The following UNC50 variants were observed in gnomAD, a reference collection of about 807,000 sequenced individuals.
UNC50 encodes unc-50 inner nuclear membrane RNA binding protein.
Under a neutral mutation model 31.5 loss-of-function variants are expected in UNC50, and 24 were observed. The observed-to-expected ratio is 0.76, with a 90% CI of 0.55 to 1.07. UNC50 has a LOEUF of 1.07. Among genes scored for constraint, UNC50 ranks in the 50% least tolerant of loss-of-function variants. UNC50 has a pLI of 0.00. For missense variants in UNC50, 245 were observed against 304.2 expected, an observed-to-expected ratio of 0.81 and a Z score of 1.45; for synonymous variants, 118 against 114.7, an observed-to-expected ratio of 1.03 and a Z score of -0.18.
chr2:98,611,977 GCCCCCCC>G (rs1700839886), intron 3 of UNC50, among the ~76,000 whole-genome samples: 3 of 69,764 alleles, frequency 4.3e-5, no homozygotes, highest in South Asian at 5.8e-4. Flanking sequence ...CGCCCCCCCC[GCCCCCCC>G]ACCGCCACAC....
Position 98,610,020 on chromosome 2 carries a change from G to C in UNC50, c.261G>C (p.Leu87=), listed in dbSNP as rs769125734. ...WARDDPAFLV[L]LSIWLCVSTI... ...GAGATGACCCTGCTTTCTTGGTCCT[G>C]TTAAGTATCTGGCTCTGTGGTAAGT... The change falls in exon 2 of 6, where the codon CTG becomes CTC. Residue 87 remains leucine, a synonymous_variant. Coordinates refer to ENST00000357765, the MANE Select transcript of UNC50 (RefSeq NM_014044.7). 2.5e-6 allele frequency: 4 copies of C among 1,613,582 alleles called. No homozygotes were observed. In the African/African-American group the frequency reaches 4.0e-5, roughly 16 times the overall value.
At chr2:98,616,599 T>A in intron 5 of UNC50, 66 bp downstream of exon 5, 5 of 1,267,952 alleles carry the variant, frequency 3.9e-6, no homozygotes, top group Non-Finnish European at 5.7e-6. Context: ...GTAACAGTAG[T>A]ACAAACAGCT....
chr2:98,611,623 C>G (rs1336556894), intron 3 of UNC50, among the ~76,000 whole-genome samples: 1 of 152,166 alleles, frequency 6.6e-6, no homozygotes, highest in Non-Finnish European at 1.5e-5. Context: ...GACACAGTTA[C>G]CAGCTTGACT....
In UNC50 at chr2:98,610,046, G is replaced by A; in HGVS notation, c.280+7G>A. ...TTAAGTATCTGGCTCTGTGGTAAGTGTGTTTATCTGAGATAGAATTGAACG... is the reference window on the plus strand; with the variant it reads ...TTAAGTATCTGGCTCTGTGGTAAGTATGTTTATCTGAGATAGAATTGAACG... On this transcript the variant is annotated splice_region_variant and intron_variant, in intron 2 of 5. Coordinates refer to ENST00000357765, the MANE Select transcript of UNC50 (RefSeq NM_014044.7). 3.1e-6 allele frequency: 5 copies of A among 1,604,588 alleles called. No individual in the cohort carries two copies. The highest frequency in any genetic ancestry group is 4.3e-6 in the Non-Finnish European group (5 of 1,172,996).
intron 5 of UNC50, 52 bp downstream of exon 5, chr2:98,616,585 A>G (rs191054522): frequency 7.0e-7 from 1 of 1,430,742 alleles, no homozygotes; most frequent in Non-Finnish European, 9.8e-7. Flanking sequence ...AGAGGGGGAA[A>G]GTTGTAACAG....
In UNC50 at chr2:98,618,472, C is replaced by CTAA. The variant is rs1365270892; in HGVS notation, c.*170_*172dup. 2.0e-6 allele frequency: 1 copy of CTAA among 497,778 alleles called. No homozygotes were observed. Among genetic ancestry groups the CTAA allele is most frequent in the African/African-American group, 2.0e-5 (1 of 50,182 alleles). The allele number at this position is 497,778 out of a possible 1,614,324, so 30.8% of individuals were successfully genotyped here. A position where few individuals can be genotyped will look rare whatever the true frequency, so the allele number is the denominator to read the frequency against. On this transcript the variant is annotated 3_prime_UTR_variant, in exon 6 of 6. Transcript: ENST00000357765. ...CTGTGGTCAGGTACATTCCTTAAAA[C>CTAA]TAATTAAATGTACATTTCTATAATA...
intron 2 of UNC50, 145 bp downstream of exon 2, chr2:98,610,184 A>G: frequency 1.1e-6 from 1 of 901,738 alleles, no homozygotes; most frequent in Non-Finnish European, 1.7e-6. Flanking sequence ...CACAGGAAAG[A>G]AAGTTGTAGT....
At position 98,618,163 on chromosome 2, in the gene UNC50, T is replaced by G. The variant is rs372482454; in HGVS notation, c.644-5T>G. 28 of 1,550,586 alleles carry G rather than the reference T, an allele frequency of 1.8e-5. No homozygotes were observed. The highest frequency in any genetic ancestry group is 2.3e-5 in the Non-Finnish European group (26 of 1,150,146). On this transcript the variant is annotated splice_polypyrimidine_tract_variant and splice_region_variant and intron_variant, in intron 5 of 5. Coordinates refer to ENST00000357765, the MANE Select transcript of UNC50 (RefSeq NM_014044.7). ...TAAATCAGTTTGGATTCCTTTCTTT[T>G]CCAGCATTGCCATTTTTGAAAAATA...
chr2:98,614,697 A>G (rs1240433810), intron 3 of UNC50, among the ~76,000 whole-genome samples: 1 of 152,218 alleles, frequency 6.6e-6, no homozygotes, highest in Non-Finnish European at 1.5e-5. Context: ...GAGAACGTCT[A>G]CAGAAAGGGC....
At chr2:98,616,029 A>T (rs1700914069) in intron 3 of UNC50, among the ~76,000 whole-genome samples, 178 bp from the exon 4 acceptor site, 1 of 152,068 alleles carries the variant, frequency 6.6e-6, no homozygotes, top group African/African-American at 2.4e-5. Context: ...TTTCCATAAT[A>T]CCATCTGACA....
intron 5 of UNC50, 27 bp downstream of exon 5, chr2:98,616,560 G>C: frequency 6.3e-7 from 1 of 1,582,120 alleles, no homozygotes; most frequent in South Asian, 1.1e-5. Flanking sequence ...AATGTTTTTG[G>C]TTGAGAACAT....
In UNC50 at chr2:98,609,705, C is replaced by A. The variant is rs1314758455; in HGVS notation, c.-4-51C>A. The stretch of plus-strand genomic sequence containing the variant: ...TAACTCAGAAGAGGAGTGTCGGTAG[C>A]CAAATGTTTCTTCAGAATACGTGTA... On this transcript the variant is annotated intron_variant, in intron 1 of 5. Transcript: ENST00000357765. 4.3e-6 allele frequency: 7 copies of A among 1,609,392 alleles called. No individual in the cohort carries two copies. In the Admixed American group the frequency reaches 1.2e-4, roughly 27 times the overall value.
rs116039421 is a variant in UNC50 at position 98,616,391 on chromosome 2, G to A, written c.542-41G>A. 9,025 of 1,613,692 alleles carry A rather than the reference G, an allele frequency of 5.6e-3. 40 individuals carry two copies. The highest frequency in any genetic ancestry group is 6.7e-3 in the Non-Finnish European group (7,958 of 1,179,754). On this transcript the variant is annotated intron_variant, in intron 4 of 5. Coordinates refer to ENST00000357765, the MANE Select transcript of UNC50 (RefSeq NM_014044.7). ...AGTATTATCCAAGTCTTCATTGCAT[G>A]CATTGGTAAAGGGACTCATGGTCTG...
chr2:98,617,820 T>C (rs144283291), intron 5 of UNC50, among the ~76,000 whole-genome samples: 6 of 152,194 alleles, frequency 3.9e-5, no homozygotes, highest in Non-Finnish European at 5.9e-5. Context: ...CTCCTAGAGG[T>C]TTCTGAGGCA....
intron 3 of UNC50, 95 bp downstream of exon 3, chr2:98,610,990 A>C (rs992812071): frequency 2.2e-6 from 3 of 1,394,454 alleles, no homozygotes; most frequent in Non-Finnish European, 2.9e-6. Context: ...ATTGAAACCC[A>C]GGTAGAGTTA....
At chr2:98,612,522 G>A (rs1158009145) in intron 3 of UNC50, among the ~76,000 whole-genome samples, 1 of 151,800 alleles carries the variant, frequency 6.6e-6, no homozygotes, top group Non-Finnish European at 1.5e-5. Context: ...CGAATCTCCT[G>A]CCTCAGCCTT....
Position 98,608,617 on chromosome 2 carries a change from G to C in UNC50, c.-114G>C. ...TCCCGTGACGCGGCGCGCCCCAAGG[G>C]CCGGCTCCGTTGAGGGAAGGGAAGC... On this transcript the variant is annotated 5_prime_UTR_variant, in exon 1 of 6. Transcript: ENST00000357765. 1.7e-6 allele frequency: 1 copy of C among 596,102 alleles called. No individual in the cohort carries two copies. The highest frequency in any genetic ancestry group is 2.0e-5 in the South Asian group (1 of 50,890). The allele number at this position is 596,102 out of a possible 1,614,324, so 36.9% of individuals were successfully genotyped here. A position where few individuals can be genotyped will look rare whatever the true frequency, so the allele number is the denominator to read the frequency against.
intron 5 of UNC50, among the ~76,000 whole-genome samples, chr2:98,617,733 T>C (rs1427208341): frequency 6.6e-6 from 1 of 152,208 alleles, no homozygotes; most frequent in Non-Finnish European, 1.5e-5. Flanking sequence ...GGGGGTATAA[T>C]GCTTTACACT....
rs757612925 is a variant in UNC50 at position 98,609,783 on chromosome 2, T to C, written c.24T>C (p.Asn8=). The change falls in exon 2 of 6, where the codon AAT becomes AAC. Residue 8 remains asparagine, a synonymous_variant. Coordinates refer to ENST00000357765, the MANE Select transcript of UNC50 (RefSeq NM_014044.7). The part of the protein sequence containing the change: MLPSTSV[N]SLVQGNGVLN... ...AGATGTTACCGAGTACTTCAGTGAA[T>C]TCCTTAGTGCAGGGGAACGGAGTCT... The C allele has an allele frequency of 5.6e-6, 9 of 1,614,140 alleles. No individual in the cohort carries two copies. The Admixed American group carries it at 1.3e-4, about 24-fold the overall frequency.
Sources: allele counts gnomAD v4.1 joint callset (sites outside exome capture counted in the v4.1 genomes callset), GRCh38; gene constraint gnomAD v4.1.1; transcripts MANE v1.5; gene names NCBI Gene and HGNC (gene_info 2026-07-23, HGNC 2026-07-21).